The following FRMPD4 variants were observed in gnomAD, a reference collection of about 807,000 sequenced individuals.
FRMPD4 encodes FERM and PDZ domain containing 4.
Under a neutral mutation model 94.1 loss-of-function variants are expected in FRMPD4, and 22 were observed. That is an observed-to-expected ratio of 0.23 (90% CI 0.17 to 0.33). The LOEUF is 0.33. FRMPD4 is among the 10% of genes least tolerant of loss of function. The pLI is 1.00. For synonymous variants in FRMPD4, 631 were observed against 548.6 expected, an observed-to-expected ratio of 1.15 and a Z score of -2.10; for missense variants, 1,111 against 1,339.9, an observed-to-expected ratio of 0.83 and a Z score of 2.67.
At chrX:12,380,597 G>T (rs1234353523) in intron 1 of FRMPD4, among the ~76,000 whole-genome samples, 1 of 111,982 alleles carries the variant, frequency 8.9e-6, no homozygotes, top group Non-Finnish European at 1.9e-5. Flanking sequence ...CCCGTGAAAG[G>T]TGTCCAGAGC....
intron 1 of FRMPD4, among the ~76,000 whole-genome samples, chrX:12,176,051 A>G (rs1368402046): frequency 8.9e-6 from 1 of 111,813 alleles, no homozygotes; most frequent in East Asian, 2.8e-4. Flanking sequence ...TTATGTAAAT[A>G]CTCCGTCACC....
At chrX:11,947,868 C>A (rs1235818515) in intron 3 of FRMPD4, among the ~76,000 whole-genome samples, 3 of 110,632 alleles carry the variant, frequency 2.7e-5, no homozygotes, top group Non-Finnish European at 3.8e-5. Context: ...AGGAGGATCA[C>A]CTGAGGTTGG....
intron 3 of FRMPD4, among the ~76,000 whole-genome samples, chrX:11,909,186 T>A (rs2053983831): frequency 9.0e-6 from 1 of 111,611 alleles, no homozygotes; most frequent in Non-Finnish European, 1.9e-5. Flanking sequence ...TGGTCTGGAG[T>A]TTCCTGTTGG....
At chrX:12,559,515 T>C (rs1024736120) in intron 2 of FRMPD4, among the ~76,000 whole-genome samples, 9 of 110,464 alleles carry the variant, frequency 8.1e-5, no homozygotes, top group Admixed American at 3.8e-4. Context: ...CTGGGTGTGG[T>C]GGCAGGCACC....
At chrX:11,869,237 G>A (rs1401398914) in intron 2 of FRMPD4, among the ~76,000 whole-genome samples, 1 of 111,940 alleles carries the variant, frequency 8.9e-6, no homozygotes, top group Non-Finnish European at 1.9e-5. Context: ...AAGACATACG[G>A]CATATTCCAG....
At chrX:12,120,258 C>T (rs962881402) in intron 3 of FRMPD4, among the ~76,000 whole-genome samples, 9 of 112,376 alleles carry the variant, frequency 8.0e-5, no homozygotes, top group Non-Finnish European at 1.3e-4. Flanking sequence ...GAGAAATTAA[C>T]GGATTTGCTT....
chrX:12,497,300 C>T (rs1057309142), intron 1 of FRMPD4, among the ~76,000 whole-genome samples: 1 of 110,981 alleles, frequency 9.0e-6, no homozygotes, highest in African/African-American at 3.3e-5. Context: ...GTGTTCATAC[C>T]TGTAAGTACT....
intron 1 of FRMPD4, among the ~76,000 whole-genome samples, chrX:12,177,947 C>G (rs771727765): frequency 1.1e-4 from 12 of 111,765 alleles, no homozygotes; most frequent in Non-Finnish European, 2.1e-4. Context: ...TCTGCACTGT[C>G]ACTTTTGTTA....
chrX:12,487,088 G>A (rs1169703496), intron 1 of FRMPD4, among the ~76,000 whole-genome samples: 1 of 112,126 alleles, frequency 8.9e-6, no homozygotes, highest in Non-Finnish European at 1.9e-5. Context: ...AAGAATGTGG[G>A]CCTTCTCTTT....
intron 3 of FRMPD4, among the ~76,000 whole-genome samples, chrX:12,109,495 A>G (rs1304984046): frequency 8.9e-6 from 1 of 112,096 alleles, no homozygotes; most frequent in Admixed American, 9.4e-5. Flanking sequence ...TCAAGACCCT[A>G]ACATCACAAT....
At chrX:12,566,344 C>G (rs1317552431) in intron 2 of FRMPD4, among the ~76,000 whole-genome samples, 1 of 111,560 alleles carries the variant, frequency 9.0e-6, no homozygotes, top group Non-Finnish European at 1.9e-5. Context: ...CTAGGGAAGA[C>G]TCAAGTCTTC....
chrX:12,709,155 G>A (rs1414869483), intron 13 of FRMPD4, among the ~76,000 whole-genome samples: 1 of 111,782 alleles, frequency 8.9e-6, no homozygotes, highest in Non-Finnish European at 1.9e-5. Context: ...CGGTGCCTTG[G>A]AGGCTGAGGG....
At chrX:11,827,484 C>T (rs893592557) in intron 1 of FRMPD4, among the ~76,000 whole-genome samples, 1 of 111,258 alleles carries the variant, frequency 9.0e-6, no homozygotes, top group African/African-American at 3.3e-5. Flanking sequence ...CTGGCATATT[C>T]GGAGTTCCAG....
intron 1 of FRMPD4, among the ~76,000 whole-genome samples, chrX:12,421,795 G>A (rs1447170062): frequency 9.3e-6 from 1 of 107,293 alleles, no homozygotes; most frequent in Non-Finnish European, 1.9e-5. Context: ...AGCTGGGGGG[G>A]CAGGGGCTGA....
At position 12,721,112 on chromosome X, in the gene FRMPD4, G is replaced by C; in HGVS notation, c.4543G>C (p.Gly1515Arg). 1.3e-6 allele frequency: 1 copy of C among 757,381 alleles called. No individual in the cohort carries two copies. Among genetic ancestry groups the C allele is most frequent in the South Asian group, 6.7e-5 (1 of 14,923 alleles). The allele number at this position is 757,381 out of a possible 1,213,427, so 62.4% of individuals were successfully genotyped here. A position where few individuals can be genotyped will look rare whatever the true frequency, so the allele number is the denominator to read the frequency against. The change falls in exon 17 of 17, where the codon GGT becomes CGT. Residue 1515 changes from glycine to arginine, a missense_variant. By Grantham distance (125) the Gly-to-Arg change is moderately radical (BLOSUM62 -2). Around this residue, in one of 8 missense-constraint regions of FRMPD4, gnomAD observed 551 missense variants for 591.6 expected, o/e 0.93. Transcript: ENST00000675598. ...CFLNRGQDED[G>R]EEEEERGEAT... ...CCTGAACCGAGGGCAGGATGAAGAT[G>C]GTGAGGAAGAAGAGGAGAGGGGAGA...
chrX:12,468,917 T>C (rs978519701), intron 1 of FRMPD4, among the ~76,000 whole-genome samples: 5 of 112,255 alleles, frequency 4.5e-5, no homozygotes, highest in African/African-American at 1.6e-4. Context: ...ACAGGGCACA[T>C]TGGATGTGAG....
chrX:11,941,178 G>A (rs2054157829), intron 3 of FRMPD4, among the ~76,000 whole-genome samples: 1 of 54,453 alleles, frequency 1.8e-5, no homozygotes, highest in East Asian at 2.2e-3. Context: ...ACTGGCCTGC[G>A]CCCACTGTCT....
intron 2 of FRMPD4, among the ~76,000 whole-genome samples, chrX:12,526,694 C>G (rs2058227334): frequency 1.8e-5 from 2 of 112,241 alleles, no homozygotes; most frequent in Non-Finnish European, 3.8e-5. Flanking sequence ...TTGACAGCAT[C>G]GTGGAAATTG....
At chrX:12,168,311 T>A (rs1420273815) in intron 1 of FRMPD4, among the ~76,000 whole-genome samples, 2 of 108,358 alleles carry the variant, frequency 1.8e-5, no homozygotes, top group African/African-American at 6.7e-5. Context: ...TACTTTGGAG[T>A]TGTTTTGTTA....
Sources: gnomAD v4.1 joint callset for allele counts (sites outside exome capture counted in the v4.1 genomes callset) on GRCh38, gnomAD v4.1.1 for gene constraint, gnomAD v4.1.1 regional missense constraint, MANE v1.5 for transcripts, NCBI Gene and HGNC (gene_info 2026-07-23, HGNC 2026-07-21) for gene names.